The following CADPS2 variants were observed in gnomAD, a reference collection of about 807,000 sequenced individuals.
The protein encoded by CADPS2 is calcium dependent secretion activator 2, also known as calcium-dependent secretion activator 2.
A neutral mutation model predicts 172.5 loss-of-function variants in CADPS2; 93 were observed. That is an observed-to-expected ratio of 0.54 (90% CI 0.46 to 0.64). The LOEUF is 0.64. Among genes scored for constraint, CADPS2 ranks in the 30% least tolerant of loss-of-function variants. The pLI is 0.00. For missense variants in CADPS2, 1,420 were observed against 1,565.9 expected (o/e 0.91, Z 1.57); for synonymous variants, 546 against 555.2 (o/e 0.98, Z 0.23).
At chr7:122,490,002 T>A in intron 11 of CADPS2, 79 bp downstream of exon 11, 1 of 1,184,628 alleles carries the variant, frequency 8.4e-7, no homozygotes, top group East Asian at 2.5e-5. Context: ...TAAACTATAA[T>A]ACTGAATACA....
chr7:122,830,396 TA>T (rs34938284), intron 1 of CADPS2, among the ~76,000 whole-genome samples: 144 of 145,854 alleles, frequency 9.9e-4, no homozygotes, highest in Middle Eastern at 3.6e-3. Context: ...CTGACACTGC[TA>T]AAAAAAAAAA....
At chr7:122,855,297 G>T (rs1037711277) in intron 1 of CADPS2, among the ~76,000 whole-genome samples, 2 of 152,158 alleles carry the variant, frequency 1.3e-5, no homozygotes, top group African/African-American at 4.8e-5. Context: ...AAAGTGAGAG[G>T]TACTATACAC....
chr7:122,482,207 T>TA (rs915393350), intron 11 of CADPS2, among the ~76,000 whole-genome samples: 17 of 151,356 alleles, frequency 1.1e-4, no homozygotes, highest in South Asian at 6.3e-4. Context: ...GGATGGCGAT[T>TA]AAAAAAAAAT....
chr7:122,815,876 A>C lies in CADPS2; in HGVS notation c.339+70123T>G, dbSNP rs181093780. Among the ~76,000 whole-genome samples the C allele has an allele frequency of 4.3e-3, 659 of 152,324 alleles. 5 individuals carry two copies. Among genetic ancestry groups the C allele is most frequent in the African/African-American group, 0.015 (634 of 41,576 alleles). ...GCTTTCTCGAAGGTTAATTTAAAAAAAAATTAAAAGTTTTATTGATACCTA... is the reference window on the plus strand; with the variant it reads ...GCTTTCTCGAAGGTTAATTTAAAAACAAATTAAAAGTTTTATTGATACCTA... On this transcript the variant is annotated intron_variant, in intron 1 of 29. Transcript: ENST00000449022.
chr7:122,860,748 C>T (rs1242026776), intron 1 of CADPS2, among the ~76,000 whole-genome samples: 2 of 152,104 alleles, frequency 1.3e-5, no homozygotes, highest in East Asian at 1.9e-4. Context: ...CAATACTTTT[C>T]CCAGCCCTTG....
chr7:122,583,622 A>G (rs2069163188), intron 6 of CADPS2, among the ~76,000 whole-genome samples: 1 of 150,878 alleles, frequency 6.6e-6, no homozygotes, highest in Non-Finnish European at 1.5e-5. Flanking sequence ...TGATATATAC[A>G]TAATATATAA....
At chr7:122,619,430 T>C (rs1207311633) in intron 5 of CADPS2, among the ~76,000 whole-genome samples, 1 of 147,598 alleles carries the variant, frequency 6.8e-6, no homozygotes, top group Admixed American at 6.9e-5. Context: ...CTGGACAACA[T>C]GGCGAAACCC....
At chr7:122,487,969 T>G (rs2057986070) in intron 11 of CADPS2, among the ~76,000 whole-genome samples, 1 of 152,126 alleles carries the variant, frequency 6.6e-6, no homozygotes. Flanking sequence ...ACAAAACCAT[T>G]TATGAGATTG....
At chr7:122,436,421 C>T (rs2050650764) in intron 17 of CADPS2, 2 of 1,214,312 alleles carry the variant, frequency 1.6e-6, no homozygotes, top group Non-Finnish European at 1.1e-6. Context: ...AAAGCAAACT[C>T]TACCCTTGTC....
intron 1 of CADPS2, among the ~76,000 whole-genome samples, chr7:122,782,318 T>C (rs1226543673): frequency 1.3e-5 from 2 of 152,142 alleles, no homozygotes; most frequent in African/African-American, 4.8e-5. Context: ...AAAATCTTCA[T>C]AGAATTGTTA....
chr7:122,679,326 G>A (rs1455508802), intron 2 of CADPS2, among the ~76,000 whole-genome samples: 6 of 138,088 alleles, frequency 4.3e-5, no homozygotes, highest in Non-Finnish European at 9.2e-5. Flanking sequence ...CATGTAGATA[G>A]GAATGAAACA....
At chr7:122,625,648 A>C (rs1406475580) in intron 4 of CADPS2, among the ~76,000 whole-genome samples, 1 of 151,918 alleles carries the variant, frequency 6.6e-6, no homozygotes, top group Non-Finnish European at 1.5e-5. Context: ...CAGACTTAAG[A>C]CTGTAACATC....
intron 1 of CADPS2, 142 bp downstream of exon 1, chr7:122,885,857 C>T: frequency 1.9e-6 from 2 of 1,038,844 alleles, no homozygotes; most frequent in Non-Finnish European, 2.9e-6. Flanking sequence ...CCGTCTTGTC[C>T]CCAAAGATTC....
At chr7:122,606,640 G>A (rs2073583786) in intron 6 of CADPS2, among the ~76,000 whole-genome samples, 1 of 152,102 alleles carries the variant, frequency 6.6e-6, no homozygotes, top group Non-Finnish European at 1.5e-5. Flanking sequence ...GTCATAGTCT[G>A]AGACCGACTG....
At chr7:122,677,425 T>C (rs1458320350) in intron 2 of CADPS2, among the ~76,000 whole-genome samples, 1 of 151,864 alleles carries the variant, frequency 6.6e-6, no homozygotes, top group Non-Finnish European at 1.5e-5. Flanking sequence ...GAGAGTACAG[T>C]GGAATGGGAG....
chr7:122,645,668 T>TAG, intron 3 of CADPS2, among the ~76,000 whole-genome samples: 1 of 86,734 alleles, frequency 1.2e-5, no homozygotes, highest in South Asian at 5.5e-4. Context: ...GATATATATA[T>TAG]ATATATATAT....
At chr7:122,786,670 T>TA (rs1319160631) in intron 1 of CADPS2, among the ~76,000 whole-genome samples, 1 of 152,216 alleles carries the variant, frequency 6.6e-6, no homozygotes, top group African/African-American at 2.4e-5. Flanking sequence ...GTTTCGTGTT[T>TA]AAGACAGGAA....
At chr7:122,837,140 A>T (rs577002321) in intron 1 of CADPS2, among the ~76,000 whole-genome samples, 4 of 152,308 alleles carry the variant, frequency 2.6e-5, no homozygotes, top group Admixed American at 2.6e-4. Flanking sequence ...AAAACCGCTC[A>T]ACTACATGGA....
chr7:122,769,731 C>T (rs2093655571), intron 1 of CADPS2, among the ~76,000 whole-genome samples: 1 of 152,138 alleles, frequency 6.6e-6, no homozygotes, highest in African/African-American at 2.4e-5. Flanking sequence ...CGGGATCGCA[C>T]AAAAGGCATG....
Sources: allele counts gnomAD v4.1 joint callset (sites outside exome capture counted in the v4.1 genomes callset), GRCh38; gene constraint gnomAD v4.1.1; transcripts MANE v1.5; gene names NCBI Gene and HGNC (gene_info 2026-07-23, HGNC 2026-07-21).